Variants in JARID2 observed in about 807,000 individuals in gnomAD.
JARID2 encodes the protein jumonji and AT-rich interaction domain containing 2, also known as protein Jumonji.
A neutral mutation model predicts 125.6 loss-of-function variants in JARID2; 21 were observed. The observed-to-expected ratio is 0.17, with a 90% CI of 0.12 to 0.24. The LOEUF is 0.24. Among genes scored for constraint, JARID2 ranks in the 10% least tolerant of loss-of-function variants. The pLI, the probability that JARID2 is intolerant of heterozygous loss-of-function variation, is 1.00. For missense variants in JARID2, 1,303 were observed against 1,639.6 expected (o/e 0.79, Z 3.55); for synonymous variants, 736 against 661.6 (o/e 1.11, Z -1.73).
rs1771811843 is a variant in JARID2 at position 15,520,933 on chromosome 6, A to G, written c.*682A>G. 4.7e-6 allele frequency: 2 copies of G among 424,158 alleles called. No homozygotes were observed. The highest frequency in any genetic ancestry group is 3.3e-5 in the South Asian group (2 of 61,538). 26.3% of individuals were successfully genotyped at this position (424,158 alleles called of 1,614,324 possible). A position where few individuals can be genotyped will look rare whatever the true frequency, so the allele number is the denominator to read the frequency against. On this transcript the variant is annotated 3_prime_UTR_variant, in exon 18 of 18. Transcript: ENST00000341776. ...CAGGAAAGAAGAAAAGCGAGCGAGGAAGACGGAAAAGACTGCCTGCCTTGG... is the reference window on the plus strand; with the variant it reads ...CAGGAAAGAAGAAAAGCGAGCGAGGGAGACGGAAAAGACTGCCTGCCTTGG...
intron 1 of JARID2, among the ~76,000 whole-genome samples, chr6:15,342,122 A>G (rs1232714367): frequency 6.6e-6 from 1 of 152,200 alleles, no homozygotes; most frequent in Non-Finnish European, 1.5e-5. Flanking sequence ...CAAAACAGAA[A>G]CAATCCCCGG....
chr6:15,358,996 T>C (rs549623123), intron 1 of JARID2, among the ~76,000 whole-genome samples: 1 of 152,320 alleles, frequency 6.6e-6, no homozygotes, highest in South Asian at 2.1e-4. Flanking sequence ...CCACTAGTAT[T>C]CTAGGAGAGT....
At chr6:15,274,551 C>G (rs1383657923) in intron 1 of JARID2, among the ~76,000 whole-genome samples, 1 of 152,174 alleles carries the variant, frequency 6.6e-6, no homozygotes, top group Non-Finnish European at 1.5e-5. Flanking sequence ...TTCCTTCATT[C>G]AGATAATTTA....
chr6:15,291,368 A>G (rs899468584), intron 1 of JARID2, among the ~76,000 whole-genome samples: 4 of 152,244 alleles, frequency 2.6e-5, no homozygotes, highest in African/African-American at 7.2e-5. Flanking sequence ...TAACAAAAAA[A>G]TCCCTCACTT....
At chr6:15,416,521 A>G (rs901623511) in intron 3 of JARID2, among the ~76,000 whole-genome samples, 9 of 152,104 alleles carry the variant, frequency 5.9e-5, no homozygotes, top group African/African-American at 2.2e-4. Context: ...CCCCGTCTCC[A>G]CCAAAAAAAT....
chr6:15,258,608 C>T (rs571954382), intron 1 of JARID2, among the ~76,000 whole-genome samples: 2 of 152,246 alleles, frequency 1.3e-5, no homozygotes, highest in African/African-American at 2.4e-5. Flanking sequence ...ATGGTGAAAA[C>T]CTGTCTCTAC....
At chr6:15,262,816 A>T (rs932879438) in intron 1 of JARID2, among the ~76,000 whole-genome samples, 4 of 152,162 alleles carry the variant, frequency 2.6e-5, no homozygotes, top group Admixed American at 6.5e-5. Flanking sequence ...GGCGTGAGCC[A>T]CCGTGCCCGG....
intron 1 of JARID2, among the ~76,000 whole-genome samples, chr6:15,256,184 G>A (rs1264445102): frequency 1.3e-5 from 2 of 152,162 alleles, no homozygotes; most frequent in African/African-American, 2.4e-5. Context: ...GCCTGCCGGC[G>A]GCCTTCCTAG....
rs1762618127 is a variant in JARID2, at chr6:15,328,921, C to G, written c.46-45196C>G. Among the ~76,000 whole-genome samples the G allele has an allele frequency of 2.0e-5, 3 of 152,226 alleles. No individual in the cohort carries two copies. In the South Asian group the frequency reaches 6.2e-4, roughly 32 times the overall value. On this transcript the variant is annotated intron_variant, in intron 1 of 17. Transcript: ENST00000341776. ...TGTGTGGGGATGGGCATGGAGGCAC[C>G]TGCCTTGTTCAAGAAGCCTGTGAAC...
intron 1 of JARID2, among the ~76,000 whole-genome samples, chr6:15,331,620 C>G (rs1444388991): frequency 6.6e-6 from 1 of 151,954 alleles, no homozygotes; most frequent in Non-Finnish European, 1.5e-5. Context: ...AATCCCAGCA[C>G]TTTGGGAGGC....
intron 1 of JARID2, among the ~76,000 whole-genome samples, chr6:15,300,082 A>T (rs1190203542): frequency 1.3e-5 from 2 of 152,098 alleles, no homozygotes; most frequent in Admixed American, 6.6e-5. Flanking sequence ...ATGATTTCTC[A>T]TTGGCCCAGT....
At chr6:15,512,579 T>C (rs1294799769) in intron 14 of JARID2, among the ~76,000 whole-genome samples, 189 bp downstream of exon 14, 1 of 152,226 alleles carries the variant, frequency 6.6e-6, no homozygotes, top group African/African-American at 2.4e-5. Context: ...GGGATTTGTT[T>C]GTATCACAAA....
Position 15,263,948 on chromosome 6 carries a change from C to T in JARID2, c.45+17364C>T, listed in dbSNP as rs549413247. 4.6e-5 allele frequency among the ~76,000 whole-genome samples: 7 copies of T among 152,244 alleles called. No individual in the cohort carries two copies. In the East Asian group the frequency reaches 7.7e-4, roughly 17 times the overall value. ...CGCTGTGTTACCCAAACTGGAGTGC[C>T]GTGACGTGAACGCAGCTCACTGCAG... On this transcript the variant is annotated intron_variant, in intron 1 of 17. Coordinates refer to ENST00000341776, the MANE Select transcript of JARID2 (RefSeq NM_004973.4).
intron 1 of JARID2, among the ~76,000 whole-genome samples, chr6:15,356,462 A>G (rs1417782965): frequency 6.6e-6 from 1 of 152,130 alleles, no homozygotes; most frequent in East Asian, 1.9e-4. Flanking sequence ...ATTTGTCTTA[A>G]GTTCACGTCT....
At chr6:15,389,398 G>A (rs148174500) in intron 2 of JARID2, among the ~76,000 whole-genome samples, 203 of 152,302 alleles carry the variant, frequency 1.3e-3, no homozygotes, top group African/African-American at 4.6e-3. Context: ...TTGATAGTCT[G>A]CTTCCATCCC....
At position 15,423,993 on chromosome 6, in the gene JARID2, C is replaced by A. The variant is rs147175385; in HGVS notation, c.323+13628C>A. Reference sequence around the variant, plus strand: ...CTGGTCCCTTTCTCTAGTGGTCAGGCTTCATCCCCTCGTTGGTCTGCGTTG... The same window carrying A: ...CTGGTCCCTTTCTCTAGTGGTCAGGATTCATCCCCTCGTTGGTCTGCGTTG... On this transcript the variant is annotated intron_variant, in intron 3 of 17. Coordinates refer to ENST00000341776, the MANE Select transcript of JARID2 (RefSeq NM_004973.4). Among the ~76,000 whole-genome samples, 310 of 152,276 alleles carry A rather than the reference C, an allele frequency of 2.0e-3. 1 individual carries two copies. Among genetic ancestry groups the A allele is most frequent in the Non-Finnish European group, 3.4e-3 (231 of 68,026 alleles).
chr6:15,447,670 G>A (rs1468914526), intron 3 of JARID2, among the ~76,000 whole-genome samples: 1 of 152,234 alleles, frequency 6.6e-6, no homozygotes, highest in Non-Finnish European at 1.5e-5. Flanking sequence ...ATGGCAGGTA[G>A]TATTCTGTTG....
At chr6:15,455,845 G>GAGT (rs1768153193) in intron 4 of JARID2, among the ~76,000 whole-genome samples, 1 of 152,216 alleles carries the variant, frequency 6.6e-6, no homozygotes, top group Admixed American at 6.5e-5. Context: ...GTTCTTTAAA[G>GAGT]AGTAACTATG....
Position 15,433,408 on chromosome 6 carries a change from C to CTGTGTGTGTG in JARID2, c.324-18597_324-18596insGTGTGTGTGT, listed in dbSNP as rs1414027038. 2.5e-3 allele frequency among the ~76,000 whole-genome samples: 234 copies of CTGTGTGTGTG among 93,566 alleles called. 1 individual carries two copies. Among genetic ancestry groups the CTGTGTGTGTG allele is most frequent in the Non-Finnish European group, 3.5e-3 (168 of 48,246 alleles). 61.4% of individuals were successfully genotyped at this position (93,566 alleles called of 152,430 possible). A position where few individuals can be genotyped will look rare whatever the true frequency, so the allele number is the denominator to read the frequency against. On this transcript the variant is annotated intron_variant, in intron 3 of 17. Transcript: ENST00000341776. ...TGCCTCCTCCCCAACCCCCATGTCT[C>CTGTGTGTGTG]TCTGTGTGTGTGTGTGTGTGTGTGT...
Sources: allele counts gnomAD v4.1 joint callset (sites outside exome capture counted in the v4.1 genomes callset), GRCh38; gene constraint gnomAD v4.1.1; transcripts MANE v1.5; gene names NCBI Gene and HGNC (gene_info 2026-07-23, HGNC 2026-07-21).